The following NOM1 variants were observed in gnomAD, a reference collection of about 807,000 sequenced individuals.
The protein encoded by NOM1 is nucleolar MIF4G domain-containing protein 1.
A neutral mutation model predicts 73.3 loss-of-function variants in NOM1; 58 were observed. That is an observed-to-expected ratio of 0.79 (90% CI 0.64 to 0.99). The LOEUF is 0.99. Ranked by LOEUF, NOM1 falls within the 50% of genes least tolerant of loss-of-function variation. The probability of loss-of-function intolerance (pLI) is 0.00; values close to 1 mark genes in which losing one functional copy is unlikely to be tolerated. For synonymous variants in NOM1, 487 were observed against 446.8 expected, an observed-to-expected ratio of 1.09 and a Z score of -1.14; for missense variants, 1,226 against 1,131.9, an observed-to-expected ratio of 1.08 and a Z score of -1.19.
chr7:156,962,951 G>A (rs1804901013), intron 5 of NOM1, 57 bp from the exon 6 acceptor site: 1 of 1,553,574 alleles, frequency 6.4e-7, no homozygotes, highest in Admixed American at 1.8e-5. Flanking sequence ...ACCGGTGATG[G>A]AAGGACGGAA....
intron 3 of NOM1, among the ~76,000 whole-genome samples, chr7:156,957,835 T>TA (rs1004227125): frequency 2.0e-5 from 3 of 147,632 alleles, no homozygotes; most frequent in Non-Finnish European, 4.6e-5. Context: ...GTTTTATGCC[T>TA]AAATTTTTAT....
chr7:156,954,126 C>T lies in NOM1; in HGVS notation c.1136C>T (p.Ser379Phe), dbSNP rs1444833490. Residue 379 changes from serine (S) to phenylalanine (F), a missense_variant, in exon 3 of 11, where the codon TCC (serine) becomes TTC (phenylalanine). Ser to Phe is a radical substitution (Grantham distance 155). Transcript: ENST00000275820. ...AGGTTGAGTGAACCCAACATGGCTT[C>T]CATCAGTGGGCAGCTGGAGGAACTG... The part of the protein sequence containing the change: ...LNRLSEPNMA[S>F]ISGQLEELYM... 6.2e-7 allele frequency: 1 copy of T among 1,611,822 alleles called. No homozygotes were observed. Among genetic ancestry groups the T allele is most frequent in the African/African-American group, 1.3e-5 (1 of 74,912 alleles).
At chr7:156,954,749 C>T (rs1004463930) in intron 3 of NOM1, among the ~76,000 whole-genome samples, 7 of 152,048 alleles carry the variant, frequency 4.6e-5, no homozygotes, top group African/African-American at 9.7e-5. Context: ...TCCAGTGATC[C>T]TCCTGCTTTG....
chr7:156,958,800 G>C (rs916654178), intron 3 of NOM1: 5 of 152,254 alleles, frequency 3.3e-5, no homozygotes, highest in African/African-American at 1.2e-4. Context: ...GCAGTGTCTG[G>C]TTTACCTGCT....
chr7:156,962,188 A>G lies in NOM1; in HGVS notation c.1670A>G (p.Asn557Ser), dbSNP rs775131956. Reference sequence around the variant, plus strand: ...CTAGAGACGATGTTGGCCCTGAAGAACAATGACATGCGCAAAATTCCAGGC... The same window carrying G: ...CTAGAGACGATGTTGGCCCTGAAGAGCAATGACATGCGCAAAATTCCAGGC... ...FMLETMLALK[N>S]NDMRKIPGYD... Residue 557 changes from asparagine to serine, a missense_variant, in exon 5 of 11, where the codon AAC becomes AGC. Asn to Ser is a conservative substitution (Grantham distance 46). Transcript: ENST00000275820. The G allele has an allele frequency of 1.9e-6, 3 of 1,614,184 alleles. No homozygotes were observed. Among genetic ancestry groups the G allele is most frequent in the Non-Finnish European group, 1.7e-6 (2 of 1,180,020 alleles).
In NOM1 at chr7:156,952,471, C is replaced by T. The variant is rs559432820; in HGVS notation, c.988-3C>T. ...TTTGTAATTTATTTCTCTTTTCAAG[C>T]AGAGTCTTTGTGGAAGTGGTGAAAA... On this transcript the variant is annotated splice_polypyrimidine_tract_variant and splice_region_variant and intron_variant, in intron 1 of 10. Transcript: ENST00000275820. The T allele has an allele frequency of 7.1e-5, 114 of 1,606,172 alleles. 1 individual carries two copies. The Middle Eastern group carries it at 1.2e-3, about 16-fold the overall frequency.
chr7:156,960,063 A>T lies in NOM1; in HGVS notation c.1521A>T (p.Lys507Asn). The T allele has an allele frequency of 6.2e-7, 1 of 1,614,188 alleles. No homozygotes were observed. Among genetic ancestry groups the T allele is most frequent in the Non-Finnish European group, 8.5e-7 (1 of 1,180,040 alleles). Reference protein sequence around the residue: ...KDIELILLMLKNVGFSLRKDD... With the variant: ...KDIELILLMLNNVGFSLRKDD... ...TTGAACTGATCTTGTTAATGCTGAA[A>T]AACGTGGGTTTTTCATTGAGGAAAG... Residue 507 changes from lysine to asparagine, a missense_variant, in exon 4 of 11, where the codon AAA becomes AAT. Physicochemically the swap from Lys to Asn is moderately conservative, Grantham distance 94. Transcript: ENST00000275820.
intron 7 of NOM1, 60 bp downstream of exon 7, chr7:156,964,086 ATTTGC>A: frequency 6.4e-7 from 1 of 1,569,860 alleles, no homozygotes; most frequent in Non-Finnish European, 8.7e-7. Flanking sequence ...AAGTAAGTTG[ATTTGC>A]TTTTTGAGTT....
Position 156,969,819 on chromosome 7 carries a change from A to T in NOM1, c.*116A>T. The T allele has an allele frequency of 1.0e-6, 1 of 982,504 alleles. No individual in the cohort carries two copies. Among genetic ancestry groups the T allele is most frequent in the Non-Finnish European group, 1.4e-6 (1 of 708,184 alleles). The allele number at this position is 982,504 out of a possible 1,614,324, so 60.9% of individuals were successfully genotyped here. ...TGGTAGAGCTATATCATTGTCTGTT[A>T]ATGTATTATATTTTGAGATTTTTTT... On this transcript the variant is annotated 3_prime_UTR_variant, in exon 11 of 11. Transcript: ENST00000275820.
At chr7:156,969,438 C>T (rs1179648790) in intron 10 of NOM1, 91 bp from the exon 11 acceptor site, 3 of 1,079,080 alleles carry the variant, frequency 2.8e-6, no homozygotes, top group Non-Finnish European at 4.0e-6. Context: ...TTAAAAGAAA[C>T]TGGTTATGTC....
rs34176770 is a variant in NOM1, at chr7:156,954,522, C to CTTTTTTTTTTTTTTTTTTTTTTTTTT, written c.1308+244_1308+245insTTTTTTTTTTTTTTTTTTTTTTTTTT. On this transcript the variant is annotated intron_variant, in intron 3 of 10. Coordinates refer to ENST00000275820, the MANE Select transcript of NOM1 (RefSeq NM_138400.2). ...ACTTTGCTTTTTTGTTCTGTCCATT[C>CTTTTTTTTTTTTTTTTTTTTTTTTTT]TTTTTTTTTTTTTTTTTTTTGAGAC... 6.7e-4 allele frequency among the ~76,000 whole-genome samples: 68 copies of CTTTTTTTTTTTTTTTTTTTTTTTTTT among 101,644 alleles called. 6 individuals carry two copies. Among genetic ancestry groups the CTTTTTTTTTTTTTTTTTTTTTTTTTT allele is most frequent in the East Asian group, 2.9e-3 (9 of 3,094 alleles). 66.7% of individuals were successfully genotyped at this position (101,644 alleles called of 152,430 possible). A position where few individuals can be genotyped will look rare whatever the true frequency, so the allele number is the denominator to read the frequency against.
intron 7 of NOM1, among the ~76,000 whole-genome samples, chr7:156,965,807 G>A (rs1034480199): frequency 2.0e-5 from 3 of 152,068 alleles, no homozygotes; most frequent in African/African-American, 7.2e-5. Context: ...CCAGCTACTC[G>A]GGAGGCTGAG....
Position 156,969,851 on chromosome 7 carries a change from A to G in NOM1, c.*148A>G, listed in dbSNP as rs1039525659. Reference sequence around the variant, plus strand: ...TATATTTTGAGATTTTTTTTGATCTAAGGTTTTATTGTTTGTATTTCAAGC... The same window carrying G: ...TATATTTTGAGATTTTTTTTGATCTGAGGTTTTATTGTTTGTATTTCAAGC... On this transcript the variant is annotated 3_prime_UTR_variant, in exon 11 of 11. Transcript: ENST00000275820. 1.3e-6 allele frequency: 1 copy of G among 752,382 alleles called. No individual in the cohort carries two copies. Among genetic ancestry groups the G allele is most frequent in the Non-Finnish European group, 2.0e-6 (1 of 512,320 alleles). 46.6% of individuals were successfully genotyped at this position (752,382 alleles called of 1,614,324 possible).
intron 2 of NOM1, among the ~76,000 whole-genome samples, chr7:156,953,561 C>G (rs935445224): frequency 2.0e-5 from 3 of 152,062 alleles, no homozygotes; most frequent in African/African-American, 7.2e-5. Flanking sequence ...TTTTTGTTTC[C>G]TGTTATCCTG....
At position 156,950,491 on chromosome 7, in the gene NOM1, G is replaced by A; in HGVS notation, c.754G>A (p.Glu252Lys). 6.2e-7 allele frequency: 1 copy of A among 1,614,016 alleles called. No homozygotes were observed. Among genetic ancestry groups the A allele is most frequent in the Non-Finnish European group, 8.5e-7 (1 of 1,179,888 alleles). Residue 252 changes from glutamate (E) to lysine (K), a missense_variant, in exon 1 of 11, where the codon GAG becomes AAG. Physicochemically the swap from Glu to Lys is moderately conservative, Grantham distance 56. Coordinates refer to ENST00000275820, the MANE Select transcript of NOM1 (RefSeq NM_138400.2). ...AGQTLPESDLESDSQDESEEE... is the reference protein window; with the variant it reads ...AGQTLPESDLKSDSQDESEEE... Reference sequence around the variant, plus strand: ...ACAGACACTCCCCGAAAGTGACTTAGAGAGTGACTCCCAGGACGAAAGTGA... The same window carrying A: ...ACAGACACTCCCCGAAAGTGACTTAAAGAGTGACTCCCAGGACGAAAGTGA...
At chr7:156,958,301 A>G (rs1804777534) in intron 3 of NOM1, among the ~76,000 whole-genome samples, 1 of 152,200 alleles carries the variant, frequency 6.6e-6, no homozygotes, top group South Asian at 2.1e-4. Flanking sequence ...CTGGTTACCC[A>G]GACCAGAAAC....
At chr7:156,961,187 C>T (rs1334786962) in intron 4 of NOM1, among the ~76,000 whole-genome samples, 2 of 152,088 alleles carry the variant, frequency 1.3e-5, no homozygotes, top group Non-Finnish European at 2.9e-5. Flanking sequence ...TAGCTGCAGG[C>T]AGGAGGGAGA....
intron 3 of NOM1, among the ~76,000 whole-genome samples, chr7:156,956,819 A>ATTCC: frequency 6.6e-6 from 1 of 152,204 alleles, no homozygotes; most frequent in Non-Finnish European, 1.5e-5. Context: ...TTACAAAGTG[A>ATTCC]TGGAATCACT....
intron 7 of NOM1, 123 bp downstream of exon 7, chr7:156,964,149 A>C (rs778164444): frequency 1.7e-4 from 168 of 975,446 alleles, no homozygotes; most frequent in Non-Finnish European, 2.5e-4. Flanking sequence ...GGCTGTTCTC[A>C]TGACCATCCG....
Sources: gnomAD v4.1 joint callset for allele counts (sites outside exome capture counted in the v4.1 genomes callset) on GRCh38, gnomAD v4.1.1 for gene constraint, MANE v1.5 for transcripts, NCBI Gene and HGNC (gene_info 2026-07-23, HGNC 2026-07-21) for gene names.